SLCO2A1: variants seen among roughly 807,000 people sequenced by gnomAD.
SLCO2A1 encodes matrin F/G 1.
Under a neutral mutation model 71.7 loss-of-function variants are expected in SLCO2A1, and 60 were observed. The ratio of observed to expected loss-of-function variants is 0.84; its 90% confidence interval spans 0.68 to 1.04. SLCO2A1 has a LOEUF of 1.04. SLCO2A1 is among the 50% of genes least tolerant of loss of function. The probability of loss-of-function intolerance (pLI) is 0.00; values close to 1 mark genes in which losing one functional copy is unlikely to be tolerated. For synonymous variants in SLCO2A1, 308 were observed against 326.7 expected (o/e 0.94, Z 0.62); for missense variants, 745 against 813.4 (o/e 0.92, Z 1.02).
intron 3 of SLCO2A1, among the ~76,000 whole-genome samples, chr3:133,967,288 A>G (rs749853005): frequency 3.3e-5 from 5 of 152,178 alleles, no homozygotes; most frequent in Non-Finnish European, 7.4e-5. Context: ...AGCCAAGGGG[A>G]GTTGTGCCTT....
chr3:134,021,302 C>G (rs978877153), intron 1 of SLCO2A1, among the ~76,000 whole-genome samples: 5 of 152,126 alleles, frequency 3.3e-5, no homozygotes, highest in Non-Finnish European at 7.4e-5. Flanking sequence ...TTAAAGGAGA[C>G]TATGGAGTAC....
At chr3:133,955,274 C>T in intron 3 of SLCO2A1, 81 bp from the exon 4 acceptor site, 2 of 1,303,650 alleles carry the variant, frequency 1.5e-6, no homozygotes, top group South Asian at 1.4e-5. Flanking sequence ...GCCTTTCTCC[C>T]AGGCCCCTTG....
chr3:133,980,930 AGAAG>A (rs1424949378), intron 1 of SLCO2A1, among the ~76,000 whole-genome samples: 1 of 152,244 alleles, frequency 6.6e-6, no homozygotes, highest in African/African-American at 2.4e-5. Flanking sequence ...CCCAGGTGGT[AGAAG>A]GAAGCCTGCC....
intron 1 of SLCO2A1, among the ~76,000 whole-genome samples, chr3:133,998,119 G>A (rs1347978162): frequency 6.6e-6 from 1 of 152,112 alleles, no homozygotes; most frequent in Non-Finnish European, 1.5e-5. Flanking sequence ...ACATGCCATG[G>A]GATCCCCTTG....
intron 1 of SLCO2A1, among the ~76,000 whole-genome samples, chr3:134,004,616 G>A (rs1001714325): frequency 6.6e-6 from 1 of 152,164 alleles, no homozygotes; most frequent in East Asian, 1.9e-4. Flanking sequence ...TTACAGGTGT[G>A]AGCCACCACG....
chr3:133,974,233 T>G (rs1017393890), intron 2 of SLCO2A1, among the ~76,000 whole-genome samples: 1 of 152,212 alleles, frequency 6.6e-6, no homozygotes. Flanking sequence ...ACCTAAAGTT[T>G]AGGCAAAATC....
rs774795340 is a variant in SLCO2A1, at chr3:133,953,723, C to T, written c.664G>A (p.Gly222Arg). ...AGCATGACAGAGCCCAGCAGGTACC[C>T]GAAAGCCGGTCCAAATACAGAGATG... ...FAISVFGPAF[G>R]YLLGSVMLQI... The change falls in exon 5 of 14, where the codon GGG becomes AGG. Residue 222 changes from glycine (G) to arginine (R), a missense_variant. By Grantham distance (125) the Gly-to-Arg change is moderately radical. Transcript: ENST00000310926. 6.8e-6 allele frequency: 11 copies of T among 1,614,104 alleles called. No individual in the cohort carries two copies. Among genetic ancestry groups the T allele is most frequent in the East Asian group, 4.5e-5 (2 of 44,884 alleles).
intron 1 of SLCO2A1, among the ~76,000 whole-genome samples, chr3:134,018,337 G>C (rs4077659): frequency 0.035 from 5,351 of 152,288 alleles, 221 homozygotes; most frequent in African/African-American, 0.083. Context: ...TGGTTGCTGG[G>C]ATAGAGCACT....
intron 11 of SLCO2A1, among the ~76,000 whole-genome samples, chr3:133,942,121 G>C (rs1211223221): frequency 6.6e-6 from 1 of 152,210 alleles, no homozygotes; most frequent in Non-Finnish European, 1.5e-5. Flanking sequence ...AGCCTCCCAA[G>C]AAGCTGGGAT....
At chr3:133,943,005 C>G (rs570834270) in intron 10 of SLCO2A1, among the ~76,000 whole-genome samples, 13 of 152,316 alleles carry the variant, frequency 8.5e-5, no homozygotes, top group African/African-American at 3.1e-4. Flanking sequence ...CTGGGCTGGG[C>G]TCCTCCAGAA....
At chr3:133,970,942 G>A (rs944673460) in intron 3 of SLCO2A1, among the ~76,000 whole-genome samples, 1 of 152,270 alleles carries the variant, frequency 6.6e-6, no homozygotes, top group Non-Finnish European at 1.5e-5. Context: ...TGAGCTGAGA[G>A]GGTCATGGTT....
chr3:133,970,324 C>A (rs1022668264), intron 3 of SLCO2A1, among the ~76,000 whole-genome samples: 1 of 152,068 alleles, frequency 6.6e-6, no homozygotes, highest in Non-Finnish European at 1.5e-5. Context: ...GTGGCTCGAG[C>A]CCACTTGGGA....
At chr3:134,010,482 G>A (rs9833157) in intron 1 of SLCO2A1, among the ~76,000 whole-genome samples, 72,998 of 151,708 alleles carry the variant, frequency 0.48, 18,968 homozygotes, top group Non-Finnish European at 0.58. Flanking sequence ...GGCCGGGCGC[G>A]GTGGCTCACG....
intron 4 of SLCO2A1, among the ~76,000 whole-genome samples, chr3:133,954,616 C>T (rs547930254): frequency 2.0e-5 from 3 of 152,302 alleles, no homozygotes; most frequent in African/African-American, 7.2e-5. Context: ...AGTCAGAGAG[C>T]AACAGTAGGT....
At chr3:133,944,630 C>T (rs1358879924) in intron 10 of SLCO2A1, among the ~76,000 whole-genome samples, 1 of 152,216 alleles carries the variant, frequency 6.6e-6, no homozygotes, top group Non-Finnish European at 1.5e-5. Flanking sequence ...CATGTGGCCA[C>T]ACCTGGGAGC....
intron 12 of SLCO2A1, among the ~76,000 whole-genome samples, chr3:133,937,973 G>T (rs769632775): frequency 1.3e-5 from 2 of 152,200 alleles, no homozygotes; most frequent in Non-Finnish European, 2.9e-5. Context: ...TTGAGGGCAG[G>T]CAGGACTCAC....
chr3:133,945,126 A>G lies in SLCO2A1; in HGVS notation c.1430T>C (p.Ile477Thr). Reference sequence around the variant, plus strand: ...CTTGGAGGTTGCAGAGCTCATGTTGATGTTGCTGCAGCCGGCATGGCAAGG... The same window carrying G: ...CTTGGAGGTTGCAGAGCTCATGTTGGTGTTGCTGCAGCCGGCATGGCAAGG... ...LSPCHAGCSNINMSSATSKQL... is the reference protein window; with the variant it reads ...LSPCHAGCSNTNMSSATSKQL... Residue 477 changes from isoleucine (I) to threonine (T), a missense_variant, in exon 10 of 14, where the codon ATC becomes ACC. Ile to Thr is a moderately conservative substitution (Grantham distance 89, BLOSUM62 -1). Coordinates refer to ENST00000310926, the MANE Select transcript of SLCO2A1 (RefSeq NM_005630.3). 1 of 1,613,854 alleles carries G rather than the reference A, an allele frequency of 6.2e-7. No homozygotes were observed. The highest frequency in any genetic ancestry group is 1.3e-5 in the African/African-American group (1 of 75,012).
At chr3:133,992,901 C>A (rs1188614707) in intron 1 of SLCO2A1, among the ~76,000 whole-genome samples, 2 of 151,612 alleles carry the variant, frequency 1.3e-5, no homozygotes, top group Admixed American at 1.3e-4. Flanking sequence ...GGACGCCAGA[C>A]AAGAGTTCAG....
chr3:133,942,558 G>A (rs757198008), intron 11 of SLCO2A1, 47 bp downstream of exon 11: 1 of 1,552,682 alleles, frequency 6.4e-7, no homozygotes, highest in Non-Finnish European at 8.7e-7. Context: ...AGGGAGATGT[G>A]GGGAAGGAGA....
Sources: allele counts gnomAD v4.1 joint callset (sites outside exome capture counted in the v4.1 genomes callset), GRCh38; gene constraint gnomAD v4.1.1; transcripts MANE v1.5; gene names NCBI Gene and HGNC (gene_info 2026-07-23, HGNC 2026-07-21).